TAFA2: variants seen among roughly 807,000 people sequenced by gnomAD.
TAFA2 encodes TAFA chemokine like family member 2, also known as chemokine-like protein TAFA-2.
A neutral mutation model predicts 18.8 loss-of-function variants in TAFA2; 7 were observed. The observed-to-expected ratio is 0.37, with a 90% CI of 0.21 to 0.70. The LOEUF (loss-of-function observed/expected upper bound fraction) is 0.70, where lower values mean the gene tolerates loss of function less well. Ranked by LOEUF, TAFA2 falls within the 30% of genes least tolerant of loss-of-function variation. The pLI is 0.53. For synonymous variants in TAFA2, 60 were observed against 54.2 expected (o/e 1.11, Z -0.47); for missense variants, 122 against 158.1 (o/e 0.77, Z 1.23).
chr12:62,018,832 A>G (rs901851193), intron 1 of TAFA2, among the ~76,000 whole-genome samples: 1 of 152,236 alleles, frequency 6.6e-6, no homozygotes, highest in African/African-American at 2.4e-5. Context: ...ATGGGATCTC[A>G]TTAAACTAAA....
chr12:61,792,031 G>C (rs992173442), intron 2 of TAFA2, among the ~76,000 whole-genome samples: 1 of 151,510 alleles, frequency 6.6e-6, no homozygotes, highest in African/African-American at 2.4e-5. Flanking sequence ...ATACTACTTG[G>C]CCAGAAAAAA....
At chr12:61,792,123 A>G (rs1160542946) in intron 2 of TAFA2, among the ~76,000 whole-genome samples, 1 of 151,754 alleles carries the variant, frequency 6.6e-6, no homozygotes, top group Non-Finnish European at 1.5e-5. Context: ...AAAAGGAAAA[A>G]TACTACATAA....
intron 1 of TAFA2, among the ~76,000 whole-genome samples, chr12:62,162,960 A>G (rs2136932118): frequency 6.6e-6 from 1 of 152,140 alleles, no homozygotes; most frequent in Admixed American, 6.6e-5. Context: ...AAATCAAAAA[A>G]GGCAGCACTG....
chr12:61,807,797 G>A (rs1193761715), intron 2 of TAFA2, among the ~76,000 whole-genome samples: 1 of 151,402 alleles, frequency 6.6e-6, no homozygotes, highest in Non-Finnish European at 1.5e-5. Flanking sequence ...CTGGATTTCG[G>A]ACTTGCATGG....
chr12:61,891,371 G>C (rs755261107), intron 1 of TAFA2, among the ~76,000 whole-genome samples: 5 of 152,140 alleles, frequency 3.3e-5, no homozygotes, highest in Admixed American at 3.3e-4. Flanking sequence ...GAAGGGCTGC[G>C]CGCAGTGGCT....
chr12:61,864,730 G>A (rs187657679), intron 2 of TAFA2, among the ~76,000 whole-genome samples: 156 of 131,432 alleles, frequency 1.2e-3, no homozygotes, highest in African/African-American at 3.1e-3. Context: ...CTGAGATCAC[G>A]CCACTGCACT....
intron 1 of TAFA2, among the ~76,000 whole-genome samples, chr12:61,883,206 T>C (rs1441109267): frequency 6.6e-6 from 1 of 152,168 alleles, no homozygotes; most frequent in Non-Finnish European, 1.5e-5. Context: ...AGTAAGTAGA[T>C]TACAAGTTTG....
At chr12:62,107,929 T>C (rs1441067024) in intron 1 of TAFA2, among the ~76,000 whole-genome samples, 1 of 152,124 alleles carries the variant, frequency 6.6e-6, no homozygotes, top group African/African-American at 2.4e-5. Flanking sequence ...AGAATTTAAT[T>C]GTTTCATTTC....
rs192660991 is a variant in TAFA2, at chr12:62,009,247, A to G, written c.-1-141821T>C. ...GGGGGCATCATAAGGCCAAAAGATG[A>G]TGCAGGTCCCCTTATTTATAAAATC... On this transcript the variant is annotated intron_variant, in intron 1 of 4. Transcript: ENST00000416284. 1.1e-4 allele frequency among the ~76,000 whole-genome samples: 17 copies of G among 152,336 alleles called. No individual in the cohort carries two copies. In the East Asian group the frequency reaches 3.1e-3, roughly 28 times the overall value.
At chr12:61,763,472 A>C (rs1234853821) in intron 2 of TAFA2, among the ~76,000 whole-genome samples, 1 of 151,988 alleles carries the variant, frequency 6.6e-6, no homozygotes, top group East Asian at 1.9e-4. Flanking sequence ...AATCATGAAT[A>C]TCTTCCCACC....
chr12:61,752,856 A>G (rs899034572), intron 4 of TAFA2, among the ~76,000 whole-genome samples: 1 of 152,014 alleles, frequency 6.6e-6, no homozygotes, highest in African/African-American at 2.4e-5. Context: ...CTATTCTTCA[A>G]ATATTCAACT....
At chr12:61,890,545 T>C (rs1408612326) in intron 1 of TAFA2, 1 of 152,186 alleles carries the variant, frequency 6.6e-6, no homozygotes, top group East Asian at 1.9e-4. Context: ...AAAAAGCAAA[T>C]GCGCTGTTTT....
intron 2 of TAFA2, among the ~76,000 whole-genome samples, chr12:61,855,884 C>T (rs1873861523): frequency 6.6e-6 from 1 of 151,810 alleles, no homozygotes; most frequent in Non-Finnish European, 1.5e-5. Context: ...ACTAAATGCT[C>T]CTGGGAAGAA....
intron 1 of TAFA2, among the ~76,000 whole-genome samples, chr12:61,892,409 CATG>C (rs1197726806): frequency 6.6e-6 from 1 of 152,150 alleles, no homozygotes; most frequent in African/African-American, 2.4e-5. Flanking sequence ...TAATGCCATG[CATG>C]TAAATGAGCT....
chr12:61,932,810 T>C (rs1195202974), intron 1 of TAFA2, among the ~76,000 whole-genome samples: 1 of 152,164 alleles, frequency 6.6e-6, no homozygotes, highest in Admixed American at 6.6e-5. Context: ...TTTCCGGCTT[T>C]CTGCACCTAA....
chr12:61,784,686 T>G (rs2120899702), intron 2 of TAFA2, among the ~76,000 whole-genome samples: 1 of 125,116 alleles, frequency 8.0e-6, no homozygotes, highest in East Asian at 2.4e-4. Context: ...TCTTGTGATA[T>G]CTCCCTCCCA....
At chr12:61,973,413 TTA>T (rs1333289368) in intron 1 of TAFA2, among the ~76,000 whole-genome samples, 2,857 of 130,590 alleles carry the variant, frequency 0.022, 28 homozygotes, top group South Asian at 0.1. Flanking sequence ...TTTTTTTTTT[TTA>T]GTTTTCATTA....
intron 2 of TAFA2, among the ~76,000 whole-genome samples, chr12:61,837,554 A>G (rs1021619583): frequency 9.9e-5 from 15 of 151,994 alleles, no homozygotes; most frequent in Admixed American, 2.6e-4. Flanking sequence ...TTTGAACTTC[A>G]TCTCAAACAT....
At chr12:62,039,000 C>T (rs1035282564) in intron 1 of TAFA2, among the ~76,000 whole-genome samples, 2 of 152,184 alleles carry the variant, frequency 1.3e-5, no homozygotes, top group Non-Finnish European at 2.9e-5. Context: ...TTTGCAACAT[C>T]TGCCCCAGAT....
Sources: gnomAD v4.1 joint callset for allele counts (sites outside exome capture counted in the v4.1 genomes callset) on GRCh38, gnomAD v4.1.1 for gene constraint, MANE v1.5 for transcripts, NCBI Gene and HGNC (gene_info 2026-07-23, HGNC 2026-07-21) for gene names.